VPS13C: variants seen among roughly 807,000 people sequenced by gnomAD.
VPS13C encodes intermembrane lipid transfer protein VPS13C.
Under a neutral mutation model 456.8 loss-of-function variants are expected in VPS13C, and 358 were observed. The observed-to-expected ratio is 0.78, with a 90% confidence interval of 0.72 to 0.86. The LOEUF (loss-of-function observed/expected upper bound fraction) is 0.86, where lower values mean the gene tolerates loss of function less well. VPS13C is among the 40% of genes least tolerant of loss of function. VPS13C has a pLI of 0.00. For missense variants in VPS13C, 4,818 were observed against 4,385.4 expected (o/e 1.10, Z -2.79); for synonymous variants, 1,578 against 1,486.7 (o/e 1.06, Z -1.41).
At chr15:62,001,886 T>C (rs187166627) in intron 15 of VPS13C, among the ~76,000 whole-genome samples, 2 of 152,360 alleles carry the variant, frequency 1.3e-5, no homozygotes, top group African/African-American at 2.4e-5. Context: ...CCATGGTGTA[T>C]ATGTGCCACA....
At chr15:61,918,294 T>C (rs764765179) in intron 58 of VPS13C, 37 bp from the exon 59 acceptor site, 16 of 1,495,274 alleles carry the variant, frequency 1.1e-5, no homozygotes, top group Admixed American at 1.0e-4. Flanking sequence ...TTTTAAAAGA[T>C]ATGTAAGTTC....
chr15:61,858,173 A>G lies in VPS13C; in HGVS notation c.10953-1764T>C, dbSNP rs1235504190. Among the ~76,000 whole-genome samples the G allele has an allele frequency of 6.6e-6, 1 of 151,932 alleles. No homozygotes were observed. The highest frequency in any genetic ancestry group is 2.4e-5 in the African/African-American group (1 of 41,350). On this transcript the variant is annotated intron_variant, in intron 82 of 84. Transcript: ENST00000644861. This position sits in a 1 kb window ranked among gnomAD's most constrained non-coding sequence, Gnocchi z 4.4. ...TTCTCTTTACCATCCCAATAATACT[A>G]CCGTTCTCCTTCCACCTAGAATGTC...
At position 61,854,853 on chromosome 15, in the gene VPS13C, G is replaced by T; in HGVS notation, c.11160+18C>A. On this transcript the variant is annotated intron_variant, in intron 84 of 84. Transcript: ENST00000644861. The stretch of plus-strand genomic sequence containing the variant: ...TTTCAGCTAAAAAAAATTGAGGCAT[G>T]CTCTTTAAATTGTTTACCTCTGCTG... The T allele has an allele frequency of 6.3e-7, 1 of 1,590,196 alleles. No individual in the cohort carries two copies. Among genetic ancestry groups the T allele is most frequent in the South Asian group, 1.2e-5 (1 of 86,232 alleles).
chr15:62,057,035 C>T (rs1274702866), intron 1 of VPS13C, among the ~76,000 whole-genome samples: 1 of 152,026 alleles, frequency 6.6e-6, no homozygotes, highest in Non-Finnish European at 1.5e-5. Flanking sequence ...TGGTAGCGGT[C>T]CCCCGGGCCC....
At position 61,917,390 on chromosome 15, in the gene VPS13C, G is replaced by A; in HGVS notation, c.8006C>T (p.Ser2669Phe). Residue 2669 changes from serine (S) to phenylalanine (F), a missense_variant, in exon 60 of 85, where the codon TCT becomes TTT. Ser to Phe is a radical substitution (Grantham distance 155). Coordinates refer to ENST00000644861, the MANE Select transcript of VPS13C (RefSeq NM_020821.3). ...TGGGAGAAGATTCCGCAAAGTGAGA[G>A]AAGGATAAAGATGAATAATGTAAGC... ...DVAYIIHLYP[S>F]LTLRNLLPYS... 3.1e-6 allele frequency: 5 copies of A among 1,613,948 alleles called. No homozygotes were observed. Among genetic ancestry groups the A allele is most frequent in the Non-Finnish European group, 3.4e-6 (4 of 1,179,864 alleles).
rs2045849550 is a variant in VPS13C, at chr15:61,980,527, T to G, written c.2166+815A>C. ...CCACGACAATGCTTCTTCTGCTCCT[T>G]CCTCTTATCAAATGAGGGCAGTTGT... On this transcript the variant is annotated intron_variant, in intron 22 of 84. Coordinates refer to ENST00000644861, the MANE Select transcript of VPS13C (RefSeq NM_020821.3). Among the ~76,000 whole-genome samples, 3 of 152,284 alleles carry G rather than the reference T, an allele frequency of 2.0e-5. 1 individual carries two copies. In the South Asian group the frequency reaches 6.2e-4, roughly 32 times the overall value.
intron 81 of VPS13C, chr15:61,865,988 A>T (rs913864354): frequency 9.8e-5 from 96 of 984,048 alleles, no homozygotes; most frequent in Non-Finnish European, 2.3e-5. Context: ...CAAAGGGCTA[A>T]AAAGATATAC....
chr15:62,010,089 C>A (rs1403381678), intron 13 of VPS13C, among the ~76,000 whole-genome samples: 2 of 151,868 alleles, frequency 1.3e-5, no homozygotes, highest in African/African-American at 4.8e-5. Context: ...ACTCTAAAGG[C>A]TGAGGTAGGA....
intron 55 of VPS13C, 132 bp from the exon 56 acceptor site, chr15:61,920,779 T>C (rs1596332732): frequency 1.4e-6 from 1 of 726,148 alleles, no homozygotes; most frequent in Non-Finnish European, 2.0e-6. Flanking sequence ...TTCAAAAATA[T>C]ACCATGCTTC....
chr15:61,991,887 TC>T (rs975395878), intron 16 of VPS13C, 85 bp from the exon 17 acceptor site: 7 of 1,414,344 alleles, frequency 4.9e-6, no homozygotes, highest in South Asian at 2.7e-5. Flanking sequence ...AAACAATGGT[TC>T]TTTTTTTTTT....
At chr15:62,033,840 G>T (rs1048758227) in intron 4 of VPS13C, among the ~76,000 whole-genome samples, 1 of 151,404 alleles carries the variant, frequency 6.6e-6, no homozygotes, top group African/African-American at 2.4e-5. Flanking sequence ...AAGGAAGACA[G>T]CAAGTACACC....
chr15:61,933,323 T>C (rs556920348), intron 49 of VPS13C, among the ~76,000 whole-genome samples: 1 of 152,248 alleles, frequency 6.6e-6, no homozygotes, highest in Admixed American at 6.5e-5. Context: ...CATTAGAAAA[T>C]AAGGCAGTTC....
intron 30 of VPS13C, 43 bp downstream of exon 30, chr15:61,966,040 G>A: frequency 6.7e-7 from 1 of 1,491,288 alleles, no homozygotes; most frequent in South Asian, 1.2e-5. Flanking sequence ...TTGAGACTAG[G>A]TTATTTTCAA....
At position 62,034,291 on chromosome 15, in the gene VPS13C, A is replaced by T. The variant is rs140231780; in HGVS notation, c.283+666T>A. 9.7e-4 allele frequency among the ~76,000 whole-genome samples: 148 copies of T among 151,846 alleles called. 1 individual carries two copies. The highest frequency in any genetic ancestry group is 3.5e-3 in the African/African-American group (145 of 41,532). ...ATATAATGTGGTAACAGCTACTGAA[A>T]ATCAGGTATGCATAAACTAAAGACT... On this transcript the variant is annotated intron_variant, in intron 4 of 84. Coordinates refer to ENST00000644861, the MANE Select transcript of VPS13C (RefSeq NM_020821.3).
chr15:62,056,787 G>C (rs558299270), intron 1 of VPS13C, among the ~76,000 whole-genome samples: 140 of 152,210 alleles, frequency 9.2e-4, no homozygotes, highest in Admixed American at 4.1e-3. Flanking sequence ...AGTGAAAGTA[G>C]TAAAAGTCTC....
chr15:62,019,354 T>C (rs1159604152), intron 9 of VPS13C, among the ~76,000 whole-genome samples: 1 of 152,186 alleles, frequency 6.6e-6, no homozygotes, highest in Admixed American at 6.6e-5. Flanking sequence ...TTGCTCTTGC[T>C]GCTCTAGTTC....
At chr15:61,865,538 ATATATG>A in intron 81 of VPS13C, 1 of 906,198 alleles carries the variant, frequency 1.1e-6, no homozygotes, top group African/African-American at 1.8e-5. Context: ...TAATGTATGT[ATATATG>A]TATGTGTAAA....
chr15:61,994,956 T>G (rs1347534600), intron 16 of VPS13C, among the ~76,000 whole-genome samples: 1 of 152,186 alleles, frequency 6.6e-6, no homozygotes, highest in Non-Finnish European at 1.5e-5. Context: ...ACTACAATTT[T>G]TTTAAAGAAA....
At chr15:61,882,912 C>A (rs552573841) in intron 68 of VPS13C, among the ~76,000 whole-genome samples, 176 bp from the exon 69 acceptor site, 2 of 152,132 alleles carry the variant, frequency 1.3e-5, no homozygotes, top group Admixed American at 6.5e-5. Flanking sequence ...CACTTTTCTA[C>A]CAGTTATTAG....
Sources: gnomAD v4.1 joint callset for allele counts (sites outside exome capture counted in the v4.1 genomes callset) on GRCh38, gnomAD v4.1.1 for gene constraint, Gnocchi (gnomAD v3.1) non-coding constraint, MANE v1.5 for transcripts, NCBI Gene and HGNC (gene_info 2026-07-23, HGNC 2026-07-21) for gene names.